Variants in KDM2B observed in about 807,000 individuals in gnomAD.
KDM2B encodes the protein lysine-specific demethylase 2B.
Under a neutral mutation model 150.0 loss-of-function variants are expected in KDM2B, and 26 were observed. The observed-to-expected ratio is 0.17, with a 90% CI of 0.13 to 0.24. The LOEUF (loss-of-function observed/expected upper bound fraction) is 0.24. Ranked by LOEUF, KDM2B falls within the 10% of genes least tolerant of loss-of-function variation. KDM2B has a pLI of 1.00. For missense variants in KDM2B, 1,265 were observed against 1,816.9 expected (o/e 0.70, Z 5.52); for synonymous variants, 734 against 729.5 (o/e 1.01, Z -0.10).
intron 6 of KDM2B, chr12:121,536,178 C>T: frequency 1.2e-6 from 1 of 835,380 alleles, no homozygotes; most frequent in Non-Finnish European, 1.4e-6. Flanking sequence ...CCTGGTGCCC[C>T]CTCCCTCTGG....
Position 121,575,805 on chromosome 12 carries a change from C to G in KDM2B, c.326G>C (p.Arg109Pro). The change falls in exon 3 of 23, where the codon CGA becomes CCA. Residue 109 changes from arginine (R) to proline (P), a missense_variant. Physicochemically the swap from Arg to Pro is moderately radical, Grantham distance 103. Coordinates refer to ENST00000377071, the MANE Select transcript of KDM2B (RefSeq NM_032590.5). This position sits in a 1 kb window ranked among gnomAD's most constrained non-coding sequence, Gnocchi z 4.4. ...CTTAATTCCCAGTCCATCCTTTTCTCGAAATATCAGGGGAACCCTGAGAGC... is the reference window on the plus strand; with the variant it reads ...CTTAATTCCCAGTCCATCCTTTTCTGGAAATATCAGGGGAACCCTGAGAGC... ...REALRVPLIF[R>P]EKDGLGIKMP... 3.1e-6 allele frequency: 5 copies of G among 1,612,972 alleles called. No homozygotes were observed. The highest frequency in any genetic ancestry group is 4.2e-6 in the Non-Finnish European group (5 of 1,178,970).
At chr12:121,424,336 T>G (rs1872404406), downstream of KDM2B, 1 of 152,772 alleles carries the variant, frequency 6.5e-6, no homozygotes, top group African/African-American at 2.4e-5. Context: ...GGAATAAAAT[T>G]AGTTTTAAAA....
At chr12:121,567,631 A>C (rs1340566267) in intron 4 of KDM2B, among the ~76,000 whole-genome samples, 2 of 151,566 alleles carry the variant, frequency 1.3e-5, no homozygotes, top group African/African-American at 4.9e-5. Flanking sequence ...AAGAAGAGAG[A>C]CCTTCAAATA....
At chr12:121,417,967 T>G in the KDM2B span, 1 of 1,545,290 alleles carries the variant, frequency 6.5e-7, no homozygotes, top group Non-Finnish European at 8.8e-7. This position sits in a 1 kb window ranked among gnomAD's most constrained non-coding sequence, Gnocchi z 5.0. Flanking sequence ...CTTGGCCGTA[T>G]ATGGTGGGGC....
chr12:121,486,252 G>A lies in KDM2B; in HGVS notation c.1734+8327C>T, dbSNP rs539034295. On this transcript the variant is annotated intron_variant, in intron 12 of 22. Coordinates refer to ENST00000377071, the MANE Select transcript of KDM2B (RefSeq NM_032590.5). ...GACTCCTGAGTAGCTGGGATTACAG[G>A]TGCCCACCACCATGCCCGGCTAATT... Among the ~76,000 whole-genome samples, 6 of 150,894 alleles carry A rather than the reference G, an allele frequency of 4.0e-5. No homozygotes were observed. In the South Asian group the frequency reaches 1.3e-3, roughly 32 times the overall value.
intron 4 of KDM2B, among the ~76,000 whole-genome samples, chr12:121,560,043 C>T (rs2136230879): frequency 1.3e-5 from 2 of 152,250 alleles, no homozygotes; most frequent in Middle Eastern, 6.8e-3. Context: ...CTCGCTCTAT[C>T]ACCCAGGCTG....
chr12:121,451,145 C>T (rs782500335), intron 13 of KDM2B, among the ~76,000 whole-genome samples: 2 of 151,998 alleles, frequency 1.3e-5, no homozygotes, highest in African/African-American at 2.4e-5. Flanking sequence ...TCTGCCTCTG[C>T]CACCTCTGAG....
intron 4 of KDM2B, among the ~76,000 whole-genome samples, chr12:121,553,466 CTG>C (rs1166689467): frequency 2.0e-5 from 3 of 152,196 alleles, no homozygotes; most frequent in Non-Finnish European, 4.4e-5. Context: ...TACCCACACA[CTG>C]TTAAAATTTA....
At chr12:121,528,469 G>C (rs1020801918) in intron 8 of KDM2B, among the ~76,000 whole-genome samples, 1 of 152,106 alleles carries the variant, frequency 6.6e-6, no homozygotes, top group Admixed American at 6.6e-5. Flanking sequence ...TGAGGCATGA[G>C]AATTGCTTAA....
intron 4 of KDM2B, among the ~76,000 whole-genome samples, chr12:121,562,151 C>T (rs1555313948): frequency 6.6e-6 from 1 of 150,552 alleles, no homozygotes. Flanking sequence ...ACATGGGTGA[C>T]TTTTTTTCCA....
At chr12:121,552,120 T>G (rs1409718059) in intron 4 of KDM2B, among the ~76,000 whole-genome samples, 1 of 152,198 alleles carries the variant, frequency 6.6e-6, no homozygotes, top group Non-Finnish European at 1.5e-5. Context: ...CCATTTACTA[T>G]GTGTGTCAGC....
rs193028232 is a variant in KDM2B, at chr12:121,446,150, C to G, written c.1960-732G>C. 3.5e-4 allele frequency among the ~76,000 whole-genome samples: 54 copies of G among 152,184 alleles called. No homozygotes were observed. In the East Asian group the frequency reaches 9.8e-3, roughly 28 times the overall value. On this transcript the variant is annotated intron_variant, in intron 13 of 22. Transcript: ENST00000377071. ...GTGGCTCACGCCTGTAATCCCAGCA[C>G]TTTGGGAGGCCAAGGCGGGCGGATC...
At chr12:121,465,470 G>C (rs1057443081) in intron 12 of KDM2B, among the ~76,000 whole-genome samples, 1 of 152,192 alleles carries the variant, frequency 6.6e-6, no homozygotes, top group African/African-American at 2.4e-5. Context: ...CTGAGCTCAA[G>C]TGATCCACCC....
chr12:121,558,076 TTTC>T (rs1308858210), intron 4 of KDM2B, among the ~76,000 whole-genome samples: 1 of 152,222 alleles, frequency 6.6e-6, no homozygotes, highest in African/African-American at 2.4e-5. Context: ...TGGTTACTTG[TTTC>T]TTGTCTTTCC....
the KDM2B span, among the ~76,000 whole-genome samples, chr12:121,413,915 T>C: frequency 2.0e-5 from 3 of 152,154 alleles, no homozygotes; most frequent in East Asian, 5.8e-4. Context: ...TTGAGAATTA[T>C]AGGGTGTGAA....
intron 4 of KDM2B, among the ~76,000 whole-genome samples, chr12:121,551,945 G>A (rs1889537296): frequency 6.6e-6 from 1 of 152,168 alleles, no homozygotes. Context: ...GTATGTAAGA[G>A]AACTTGGGTA....
chr12:121,475,751 G>C (rs1274269304), intron 12 of KDM2B, among the ~76,000 whole-genome samples: 1 of 151,278 alleles, frequency 6.6e-6, no homozygotes, highest in African/African-American at 2.4e-5. Context: ...TTTTTAGAAA[G>C]AAAATCTTGG....
In KDM2B at chr12:121,444,003, G is replaced by T; in HGVS notation, c.2451+9C>A. 6.3e-7 allele frequency: 1 copy of T among 1,599,478 alleles called. No individual in the cohort carries two copies. Reference sequence around the variant, plus strand: ...ACCCCTTTGCCTCCCAGCCCCTCCTGGTCCGTACCCGCTTGCGTCCACTCA... The same window carrying T: ...ACCCCTTTGCCTCCCAGCCCCTCCTTGTCCGTACCCGCTTGCGTCCACTCA... On this transcript the variant is annotated intron_variant, in intron 16 of 22. Coordinates refer to ENST00000377071, the MANE Select transcript of KDM2B (RefSeq NM_032590.5).
At chr12:121,543,473 T>C (rs1197569155) in intron 6 of KDM2B, among the ~76,000 whole-genome samples, 2 of 151,220 alleles carry the variant, frequency 1.3e-5, no homozygotes, top group African/African-American at 4.9e-5. Flanking sequence ...CCAGCCTGGG[T>C]AACACAGAGA....
Sources: gnomAD v4.1 joint callset for allele counts (sites outside exome capture counted in the v4.1 genomes callset) on GRCh38, gnomAD v4.1.1 for gene constraint, Gnocchi (gnomAD v3.1) non-coding constraint, MANE v1.5 for transcripts, NCBI Gene and HGNC (gene_info 2026-07-23, HGNC 2026-07-21) for gene names.